PHF14: variants seen among roughly 807,000 people sequenced by gnomAD.
PHF14 encodes the protein PHD finger protein 14.
PHF14 carries 55 observed loss-of-function variants against 117.9 expected under a neutral mutation model. The observed-to-expected ratio is 0.47, with a 90% CI of 0.38 to 0.58. The LOEUF (loss-of-function observed/expected upper bound fraction) is 0.58. Among genes scored for constraint, PHF14 ranks in the 20% least tolerant of loss-of-function variants. PHF14 has a pLI of 0.00. For missense variants in PHF14, 978 were observed against 1,122.2 expected (o/e 0.87, Z 1.84); for synonymous variants, 409 against 368.6 (o/e 1.11, Z -1.26).
At chr7:11,145,793 A>G (rs1339815239) in intron 17 of PHF14, among the ~76,000 whole-genome samples, 2 of 152,154 alleles carry the variant, frequency 1.3e-5, no homozygotes, top group Non-Finnish European at 2.9e-5. Flanking sequence ...ACAGTAAATT[A>G]ACATCATAGA....
chr7:10,996,159 G>A (rs1445769770), intron 4 of PHF14, among the ~76,000 whole-genome samples: 6 of 152,226 alleles, frequency 3.9e-5, no homozygotes, highest in African/African-American at 1.4e-4. Context: ...TTCATGTTTT[G>A]GAAGGATCAC....
At chr7:11,158,698 T>A (rs1241213328) in intron 17 of PHF14, among the ~76,000 whole-genome samples, 1 of 152,090 alleles carries the variant, frequency 6.6e-6, no homozygotes, top group East Asian at 1.9e-4. Flanking sequence ...AAATAAGATA[T>A]CTTAGGACTC....
intron 17 of PHF14, among the ~76,000 whole-genome samples, chr7:11,132,037 T>A (rs1788104354): frequency 6.6e-6 from 1 of 151,822 alleles, no homozygotes; most frequent in African/African-American, 2.4e-5. Context: ...TGGTAAAAAG[T>A]TACTATAGTT....
intron 17 of PHF14, among the ~76,000 whole-genome samples, chr7:11,162,470 T>C (rs76853356): frequency 0.018 from 2,720 of 152,254 alleles, 83 homozygotes; most frequent in African/African-American, 0.062. Flanking sequence ...TTTATAGAAT[T>C]GGGATTGTGC....
chr7:11,138,264 A>G (rs1169175293), intron 17 of PHF14, among the ~76,000 whole-genome samples: 1 of 151,518 alleles, frequency 6.6e-6, no homozygotes, highest in East Asian at 2.0e-4. Flanking sequence ...GATGGTCTCG[A>G]TCTCCTGACC....
chr7:11,115,312 C>G (rs934687475), intron 17 of PHF14, among the ~76,000 whole-genome samples: 1 of 151,940 alleles, frequency 6.6e-6, no homozygotes, highest in Non-Finnish European at 1.5e-5. Flanking sequence ...CTTACTAGAG[C>G]CCTCTAAATG....
intron 4 of PHF14, among the ~76,000 whole-genome samples, chr7:10,997,809 A>G (rs1782714107): frequency 6.6e-6 from 1 of 152,158 alleles, no homozygotes; most frequent in Admixed American, 6.5e-5. Context: ...CAAAGAGAGA[A>G]AGAGACGGAA....
In PHF14 at chr7:11,053,298, A is replaced by G. The variant is rs563619750; in HGVS notation, c.2481+1518A>G. ...TGTGTTATGGGGTCATATAAAATTTATGAGGCAAATCTTTATCTCTTAGAT... is the reference window on the plus strand; with the variant it reads ...TGTGTTATGGGGTCATATAAAATTTGTGAGGCAAATCTTTATCTCTTAGAT... On this transcript the variant is annotated intron_variant, in intron 14 of 17. Transcript: ENST00000634607. Among the ~76,000 whole-genome samples, 674 of 152,250 alleles carry G rather than the reference A, an allele frequency of 4.4e-3. 1 individual carries two copies. The highest frequency in any genetic ancestry group is 7.5e-3 in the Non-Finnish European group (510 of 67,972).
At chr7:11,088,157 A>G (rs911310822) in intron 16 of PHF14, among the ~76,000 whole-genome samples, 1 of 152,198 alleles carries the variant, frequency 6.6e-6, no homozygotes, top group African/African-American at 2.4e-5. Flanking sequence ...TAACCTATGC[A>G]TATGTTCCTG....
intron 14 of PHF14, 111 bp downstream of exon 14, chr7:11,051,891 C>G: frequency 1.2e-6 from 1 of 834,768 alleles, no homozygotes. Flanking sequence ...AAAAAGACAT[C>G]TATTGGTTAT....
chr7:11,088,405 C>CAG (rs1355893317), intron 16 of PHF14, among the ~76,000 whole-genome samples: 29 of 110,660 alleles, frequency 2.6e-4, no homozygotes, highest in African/African-American at 1.0e-3. Flanking sequence ...TACACACAAA[C>CAG]ACACACACAC....
At chr7:11,163,188 T>C (rs1484188237) in intron 17 of PHF14, among the ~76,000 whole-genome samples, 1 of 152,196 alleles carries the variant, frequency 6.6e-6, no homozygotes, top group Non-Finnish European at 1.5e-5. Flanking sequence ...TAATGATATA[T>C]GTGTTTGAGC....
chr7:11,130,623 CAT>C lies in PHF14; in HGVS notation c.2772+19157_2772+19158del. On this transcript the variant is annotated intron_variant, in intron 17 of 17. Coordinates refer to ENST00000634607, the MANE Select transcript of PHF14 (RefSeq NM_001007157.2). This position sits in a 1 kb window ranked among gnomAD's most constrained non-coding sequence, Gnocchi z 4.2. ...CCTAGTTTCCTCTGTTACCATCTTG[CAT>C]TCATGTGGTACATTTGTTAAAAATT... is the stretch of plus-strand genomic sequence containing the variant. 6.6e-6 allele frequency among the ~76,000 whole-genome samples: 1 copy of C among 152,052 alleles called. No individual in the cohort carries two copies. The highest frequency in any genetic ancestry group is 1.9e-4 in the East Asian group (1 of 5,184).
intron 16 of PHF14, among the ~76,000 whole-genome samples, chr7:11,080,922 G>A (rs1014277708): frequency 2.0e-5 from 3 of 152,148 alleles, no homozygotes; most frequent in African/African-American, 7.2e-5. Flanking sequence ...CTAAGACACT[G>A]TTGTCATTCC....
chr7:11,129,438 G>T (rs1036121982), intron 17 of PHF14, among the ~76,000 whole-genome samples: 1 of 151,698 alleles, frequency 6.6e-6, no homozygotes, highest in Non-Finnish European at 1.5e-5. Flanking sequence ...AATAGACACA[G>T]TTTTAAATTA....
chr7:11,019,431 C>T (rs1364730520), intron 5 of PHF14, among the ~76,000 whole-genome samples: 1 of 152,090 alleles, frequency 6.6e-6, no homozygotes, highest in African/African-American at 2.4e-5. Flanking sequence ...TGTTATTGGT[C>T]TGTACAGGCT....
intron 17 of PHF14, among the ~76,000 whole-genome samples, chr7:11,157,946 T>C (rs1040059542): frequency 2.0e-5 from 3 of 152,172 alleles, no homozygotes; most frequent in Non-Finnish European, 4.4e-5. Flanking sequence ...TTTGTCTGGT[T>C]TTATTTTTTG....
chr7:10,990,261 T>C (rs1478120521), intron 3 of PHF14, among the ~76,000 whole-genome samples: 1 of 152,218 alleles, frequency 6.6e-6, no homozygotes, highest in Non-Finnish European at 1.5e-5. Context: ...CGTCTTGTCT[T>C]CTCTAGGTAG....
chr7:11,079,743 A>G (rs966719341), intron 16 of PHF14, among the ~76,000 whole-genome samples: 1 of 151,702 alleles, frequency 6.6e-6, no homozygotes, highest in African/African-American at 2.4e-5. Flanking sequence ...ATTGTATGCT[A>G]ACTGTGATAT....
Sources: gnomAD v4.1 joint callset for allele counts (sites outside exome capture counted in the v4.1 genomes callset) on GRCh38, gnomAD v4.1.1 for gene constraint, Gnocchi (gnomAD v3.1) non-coding constraint, MANE v1.5 for transcripts, NCBI Gene and HGNC (gene_info 2026-07-23, HGNC 2026-07-21) for gene names.